SLC4A5: variants seen among roughly 807,000 people sequenced by gnomAD.
SLC4A5 encodes electrogenic sodium bicarbonate cotransporter 4.
Under a neutral mutation model 120.4 loss-of-function variants are expected in SLC4A5, and 96 were observed. The ratio of observed to expected loss-of-function variants is 0.80; its 90% confidence interval spans 0.68 to 0.94. The LOEUF is 0.94. Ranked by LOEUF, SLC4A5 falls within the 40% of genes least tolerant of loss-of-function variation. SLC4A5 has a pLI of 0.00. For missense variants in SLC4A5, 1,259 were observed against 1,459.5 expected, an observed-to-expected ratio of 0.86 and a Z score of 2.24; for synonymous variants, 550 against 571.1, an observed-to-expected ratio of 0.96 and a Z score of 0.53.
At chr2:74,246,440 A>G (rs1670612946) in intron 19 of SLC4A5, among the ~76,000 whole-genome samples, 1 of 152,176 alleles carries the variant, frequency 6.6e-6, no homozygotes, top group East Asian at 1.9e-4. Context: ...TCAGAGGGTG[A>G]ACACAGCTCC....
intron 5 of SLC4A5, among the ~76,000 whole-genome samples, chr2:74,326,468 C>G (rs1673218749): frequency 6.6e-6 from 1 of 152,146 alleles, no homozygotes; most frequent in African/African-American, 2.4e-5. Flanking sequence ...TTTCATTGCC[C>G]CTACCACTAG....
At position 74,267,068 on chromosome 2, in the gene SLC4A5, C is replaced by T. The variant is rs77658817; in HGVS notation, c.402-1804G>A. ...TGGCCAATAAACATATGAAAAGATGCTCAACCTTACCAGTAATCATGGACT... is the reference window on the plus strand; with the variant it reads ...TGGCCAATAAACATATGAAAAGATGTTCAACCTTACCAGTAATCATGGACT... On this transcript the variant is annotated intron_variant, in intron 8 of 30. Coordinates refer to ENST00000394019, the Ensembl canonical transcript of SLC4A5. Among the ~76,000 whole-genome samples, 203 of 152,314 alleles carry T rather than the reference C, an allele frequency of 1.3e-3. 3 individuals carry two copies. In the East Asian group the frequency reaches 0.024, roughly 18 times the overall value.
chr2:74,333,770 G>A (rs550177341), intron 4 of SLC4A5, among the ~76,000 whole-genome samples: 17 of 152,146 alleles, frequency 1.1e-4, no homozygotes, highest in South Asian at 2.1e-4. Flanking sequence ...TCACTGGGAC[G>A]GATTCCCTTC....
Position 74,264,131 on chromosome 2 carries a change from G to T in SLC4A5, c.715+16C>A, listed in dbSNP as rs778080321. 2 of 1,611,230 alleles carry T rather than the reference G, an allele frequency of 1.2e-6. No individual in the cohort carries two copies. Among genetic ancestry groups the T allele is most frequent in the Admixed American group, 3.3e-5 (2 of 59,880 alleles). On this transcript the variant is annotated intron_variant, in intron 10 of 30. Transcript: ENST00000394019. ...CCCTGCATGTCCCATGCCTACCAGC[G>T]TAAGGCCTGACTCACTTGTGGTGGA...
chr2:74,259,503 G>T, intron 12 of SLC4A5, 85 bp downstream of exon 12: 2 of 1,422,178 alleles, frequency 1.4e-6, no homozygotes, highest in African/African-American at 1.4e-5. Context: ...GTGGAACTCT[G>T]CCCATAGGGG....
At chr2:74,226,162 T>C (rs1298883931) in intron 27 of SLC4A5, among the ~76,000 whole-genome samples, 1 of 152,226 alleles carries the variant, frequency 6.6e-6, no homozygotes, top group Non-Finnish European at 1.5e-5. Context: ...TTTGTTGATC[T>C]GGGTTGATTT....
In SLC4A5 at chr2:74,248,394, C is replaced by T. The variant is rs372188550; in HGVS notation, c.1746G>A (p.Gly582=). Residue 582 remains glycine, a synonymous_variant, in exon 18 of 31, where the codon GGG becomes GGA. Coordinates refer to ENST00000394019, the Ensembl canonical transcript of SLC4A5. ...GGAGCTTCTCAAAGATGAGGATGGG[C>T]CCCGTGCTGCTGAGAATGATGAGAG... 5.6e-6 allele frequency: 9 copies of T among 1,614,028 alleles called. No homozygotes were observed. The African/African-American group carries it at 1.2e-4, about 22-fold the overall frequency.
chr2:74,279,086 T>C (rs1671731746), intron 8 of SLC4A5, among the ~76,000 whole-genome samples: 1 of 152,238 alleles, frequency 6.6e-6, no homozygotes, highest in Non-Finnish European at 1.5e-5. Flanking sequence ...CTCTTTTCCC[T>C]GGACACTTCT....
At chr2:74,285,510 G>T (rs1671953998) in intron 8 of SLC4A5, among the ~76,000 whole-genome samples, 1 of 152,232 alleles carries the variant, frequency 6.6e-6, no homozygotes, top group Admixed American at 6.5e-5. Context: ...AGGGACAATG[G>T]TATATGCCCT....
intron 17 of SLC4A5, among the ~76,000 whole-genome samples, chr2:74,250,051 C>T (rs1218416339): frequency 6.6e-6 from 1 of 152,202 alleles, no homozygotes; most frequent in Non-Finnish European, 1.5e-5. Context: ...TAAATTCACT[C>T]CAGCATCAGT....
chr2:74,327,684 C>T (rs1027146760), intron 5 of SLC4A5, among the ~76,000 whole-genome samples: 2 of 152,184 alleles, frequency 1.3e-5, no homozygotes, highest in Admixed American at 6.5e-5. Flanking sequence ...AATTTATTTT[C>T]CCATGGTTTT....
intron 6 of SLC4A5, among the ~76,000 whole-genome samples, chr2:74,312,409 T>A (rs1023673283): frequency 6.6e-6 from 1 of 152,198 alleles, no homozygotes; most frequent in African/African-American, 2.4e-5. Flanking sequence ...TATGTATTTG[T>A]AGTAGAGACA....
In SLC4A5 at chr2:74,233,579, C is replaced by G. The variant is rs747682513; in HGVS notation, c.2434-16G>C. 1 of 1,601,308 alleles carries G rather than the reference C, an allele frequency of 6.2e-7. No individual in the cohort carries two copies. Among genetic ancestry groups the G allele is most frequent in the Non-Finnish European group, 8.5e-7 (1 of 1,172,810 alleles). ...GCCGCGTTGGCTGAGTGGGAGCAAACAGAGAGGGGCCCTTTCCTCTCTCCC... is the reference window on the plus strand; with the variant it reads ...GCCGCGTTGGCTGAGTGGGAGCAAAGAGAGAGGGGCCCTTTCCTCTCTCCC... On this transcript the variant is annotated splice_polypyrimidine_tract_variant and intron_variant, in intron 22 of 30. Transcript: ENST00000394019.
chr2:74,308,731 G>A (rs146142232), intron 6 of SLC4A5, among the ~76,000 whole-genome samples: 2 of 146,094 alleles, frequency 1.4e-5, no homozygotes, highest in East Asian at 4.5e-4. Context: ...ACAGAGTCCA[G>A]CTTATCATTT....
chr2:74,289,235 T>A lies in SLC4A5; in HGVS notation c.272-3333A>T, dbSNP rs142310809. On this transcript the variant is annotated intron_variant, in intron 7 of 30. Transcript: ENST00000394019. ...AAACACTATACATATGAGTTAGAAA[T>A]CATTTTACTAGCAGAACACACTATT... 2.7e-3 allele frequency among the ~76,000 whole-genome samples: 408 copies of A among 152,334 alleles called. 2 individuals carry two copies. The highest frequency in any genetic ancestry group is 9.5e-3 in the African/African-American group (393 of 41,584).
At chr2:74,243,246 C>A (rs1670503861) in intron 19 of SLC4A5, among the ~76,000 whole-genome samples, 1 of 152,156 alleles carries the variant, frequency 6.6e-6, no homozygotes, top group South Asian at 2.1e-4. Context: ...CCCTTCTGCT[C>A]CCCCGTTCTG....
At chr2:74,241,698 C>T (rs1286458989) in intron 20 of SLC4A5, among the ~76,000 whole-genome samples, 1 of 148,700 alleles carries the variant, frequency 6.7e-6, no homozygotes, top group Non-Finnish European at 1.5e-5. Context: ...GCCAAGATCA[C>T]GCCACTGCTC....
intron 25 of SLC4A5, 31 bp downstream of exon 25, chr2:74,231,205 C>A: frequency 6.3e-7 from 1 of 1,588,284 alleles, no homozygotes; most frequent in South Asian, 1.2e-5. Context: ...TCTCAGGCAA[C>A]GAGGCCCTAG....
In SLC4A5 at chr2:74,285,887, T is replaced by A. The variant is rs1671966445; in HGVS notation, c.287A>T (p.Glu96Val). The A allele has an allele frequency of 1.9e-6, 3 of 1,606,242 alleles. No homozygotes were observed. Among genetic ancestry groups the A allele is most frequent in the Non-Finnish European group, 2.6e-6 (3 of 1,175,972 alleles). The change falls in exon 8 of 31, where the codon GAG (glutamate) becomes GTG (valine). Residue 96 changes from glutamate to valine, a missense_variant. By Grantham distance (121) the Glu-to-Val change is moderately radical. Coordinates refer to ENST00000394019, the Ensembl canonical transcript of SLC4A5. ...CTCCCCCAGGATGTCCTGGAGCTGC[T>A]CAGCAGCTGGGGACCCTGCAAAAGA...
Sources: allele counts gnomAD v4.1 joint callset (sites outside exome capture counted in the v4.1 genomes callset), GRCh38; gene constraint gnomAD v4.1.1; transcripts MANE v1.5; gene names NCBI Gene and HGNC (gene_info 2026-07-23, HGNC 2026-07-21).